The following EPS15 variants were observed in gnomAD, a reference collection of about 807,000 sequenced individuals.
EPS15 encodes the protein epidermal growth factor receptor substrate 15.
EPS15 carries 72 observed loss-of-function variants against 113.8 expected under a neutral mutation model. That is an observed-to-expected ratio of 0.63 (90% CI 0.52 to 0.77). The LOEUF (loss-of-function observed/expected upper bound fraction) is 0.77. Ranked by LOEUF, EPS15 falls within the 30% of genes least tolerant of loss-of-function variation. EPS15 has a pLI of 0.00. For synonymous variants in EPS15, 344 were observed against 363.4 expected (o/e 0.95, Z 0.61); for missense variants, 1,048 against 1,045.8 (o/e 1.00, Z -0.03).
chr1:51,399,034 A>G lies in EPS15; in HGVS notation c.2050T>C (p.Ser684Pro). 3 of 1,612,604 alleles carry G rather than the reference A, an allele frequency of 1.9e-6. No individual in the cohort carries two copies. Among genetic ancestry groups the G allele is most frequent in the Non-Finnish European group, 2.5e-6 (3 of 1,179,360 alleles). The change falls in exon 20 of 25, where the codon TCG becomes CCG. Residue 684 changes from serine to proline, a missense_variant and splice_region_variant. Coordinates refer to ENST00000371733, the MANE Select transcript of EPS15 (RefSeq NM_001981.3). ...FSAANNSSIT[S>P]VETLKHNDPF... ...CAGTTTTTAATTCTCCCACTTACCG[A>G]TGTAATACTGCTATTGTTGGCTGCA...
At chr1:51,378,410 A>G (rs902087744) in intron 21 of EPS15, among the ~76,000 whole-genome samples, 2 of 152,062 alleles carry the variant, frequency 1.3e-5, no homozygotes, top group African/African-American at 4.8e-5. Context: ...TAATCCTAGC[A>G]CTTTAGGAGA....
At chr1:51,371,318 T>G (rs937287051) in intron 21 of EPS15, among the ~76,000 whole-genome samples, 7 of 152,128 alleles carry the variant, frequency 4.6e-5, no homozygotes, top group Admixed American at 1.3e-4. Flanking sequence ...AAGGCATTGT[T>G]ATCGTAAGAG....
Position 51,356,820 on chromosome 1 carries a change from T to A in EPS15, c.2571A>T (p.Glu857Asp). 1 of 1,613,330 alleles carries A rather than the reference T, an allele frequency of 6.2e-7. No individual in the cohort carries two copies. The highest frequency in any genetic ancestry group is 8.5e-7 in the Non-Finnish European group (1 of 1,179,674). The change falls in exon 25 of 25, where the codon GAA (glutamate) becomes GAT (aspartate). Residue 857 changes from glutamate (E) to aspartate (D), a missense_variant. Transcript: ENST00000371733. ...SAYPSEEDMI[E>D]WAKRESEREE... Reference sequence around the variant, plus strand: ...CTCTCTCACTTTCCCTCTTGGCCCATTCGATCATATCTTCTTCAGAGGGAT... The same window carrying A: ...CTCTCTCACTTTCCCTCTTGGCCCAATCGATCATATCTTCTTCAGAGGGAT...
chr1:51,497,781 G>A (rs994587538), intron 1 of EPS15, among the ~76,000 whole-genome samples: 12 of 151,998 alleles, frequency 7.9e-5, no homozygotes, highest in African/African-American at 1.9e-4. Context: ...GATGGAGACC[G>A]TCCTGGCCAA....
chr1:51,490,338 G>C (rs1206746137), intron 1 of EPS15: 2 of 438,544 alleles, frequency 4.6e-6, no homozygotes, highest in East Asian at 8.1e-5. Flanking sequence ...GGCCAAAGCG[G>C]GCAAATCACG....
intron 18 of EPS15, chr1:51,401,188 C>A: frequency 2.7e-6 from 1 of 366,788 alleles, no homozygotes; most frequent in South Asian, 6.5e-5. Context: ...AAAAATTTTA[C>A]TAACAAAATC....
At chr1:51,390,723 A>G (rs1348740734) in intron 21 of EPS15, among the ~76,000 whole-genome samples, 3 of 152,212 alleles carry the variant, frequency 2.0e-5, no homozygotes, top group Non-Finnish European at 2.9e-5. Flanking sequence ...AATGCTCATC[A>G]TCACTGGCCA....
At chr1:51,384,876 G>A (rs984955941) in intron 21 of EPS15, among the ~76,000 whole-genome samples, 12 of 152,176 alleles carry the variant, frequency 7.9e-5, no homozygotes, top group African/African-American at 2.9e-4. Context: ...AAAGATGATG[G>A]GAAAACTGAA....
In EPS15 at chr1:51,497,066, G is replaced by GA. The variant is rs199626744; in HGVS notation, c.34-15753dup. 9.2e-3 allele frequency among the ~76,000 whole-genome samples: 1,404 copies of GA among 152,284 alleles called. 8 individuals are homozygous for GA. The highest frequency in any genetic ancestry group is 0.017 in the Middle Eastern group (5 of 294). ...AGAAATCTTCTGCATTCTGCATACAGAAAAAAGCTATTCAATGTTACATAT... is the reference window on the plus strand; with the variant it reads ...AGAAATCTTCTGCATTCTGCATACAGAAAAAAAGCTATTCAATGTTACATAT... On this transcript the variant is annotated intron_variant, in intron 1 of 24. Transcript: ENST00000371733.
chr1:51,414,972 A>C (rs1280655521), intron 13 of EPS15, among the ~76,000 whole-genome samples: 1 of 152,196 alleles, frequency 6.6e-6, no homozygotes, highest in Non-Finnish European at 1.5e-5. Context: ...TTACAAATTT[A>C]CCATGAACCC....
chr1:51,444,578 C>T (rs1005150700), intron 11 of EPS15, among the ~76,000 whole-genome samples: 3 of 152,232 alleles, frequency 2.0e-5, no homozygotes, highest in South Asian at 2.1e-4. Context: ...TTATAGCTTT[C>T]CTTTTATAAT....
chr1:51,502,997 ACT>A (rs1450911788), intron 1 of EPS15, among the ~76,000 whole-genome samples: 2 of 146,722 alleles, frequency 1.4e-5, no homozygotes, highest in Admixed American at 6.9e-5. Flanking sequence ...ACAGAGTGAG[ACT>A]CTGTCTCAAA....
At chr1:51,513,344 T>C (rs1383883385) in intron 1 of EPS15, among the ~76,000 whole-genome samples, 1 of 152,204 alleles carries the variant, frequency 6.6e-6, no homozygotes, top group Admixed American at 6.5e-5. Flanking sequence ...AGAAATACCC[T>C]GAGGTTTTGA....
At chr1:51,448,894 A>G (rs1653297209) in intron 8 of EPS15, among the ~76,000 whole-genome samples, 2 of 152,188 alleles carry the variant, frequency 1.3e-5, no homozygotes, top group Non-Finnish European at 2.9e-5. Context: ...TGCCCTCTCT[A>G]CAAGGAAGGA....
intron 21 of EPS15, among the ~76,000 whole-genome samples, chr1:51,376,461 C>G (rs1053621295): frequency 6.6e-6 from 1 of 152,218 alleles, no homozygotes; most frequent in East Asian, 1.9e-4. Flanking sequence ...GTCAGGAGTT[C>G]GAGACCAGCC....
rs1362946489 is a variant in EPS15 at position 51,444,858 on chromosome 1, T to C, written c.954+31A>G. 3.8e-6 allele frequency: 6 copies of C among 1,590,136 alleles called. No individual in the cohort carries two copies. The African/African-American group carries it at 4.1e-5, about 11-fold the overall frequency. On this transcript the variant is annotated intron_variant, in intron 11 of 24. Transcript: ENST00000371733. ...CATAGTATTGTTCCTTTGAAATTAA[T>C]ACATTCAGGTTTCCTTTTAAGCTTT...
intron 13 of EPS15, among the ~76,000 whole-genome samples, chr1:51,412,099 C>T (rs1649774890): frequency 6.6e-6 from 1 of 152,048 alleles, no homozygotes; most frequent in Admixed American, 6.6e-5. Context: ...CAGCAAACTA[C>T]CACAGGAACA....
chr1:51,435,685 G>A (rs1408480488), intron 12 of EPS15, among the ~76,000 whole-genome samples: 1 of 152,198 alleles, frequency 6.6e-6, no homozygotes, highest in Non-Finnish European at 1.5e-5. Context: ...GTTAAGTAAT[G>A]TGTGTGTTAA....
chr1:51,499,867 C>T (rs943401587), intron 1 of EPS15, among the ~76,000 whole-genome samples: 5 of 152,154 alleles, frequency 3.3e-5, no homozygotes, highest in Admixed American at 2.6e-4. Flanking sequence ...AGTATATTCA[C>T]ATTATTGTGC....
Sources: gnomAD v4.1 joint callset for allele counts (sites outside exome capture counted in the v4.1 genomes callset) on GRCh38, gnomAD v4.1.1 for gene constraint, MANE v1.5 for transcripts, NCBI Gene and HGNC (gene_info 2026-07-23, HGNC 2026-07-21) for gene names.